Variants in CACNB1 observed in about 807,000 individuals in gnomAD.
CACNB1 encodes the protein calcium voltage-gated channel auxiliary subunit beta 1.
CACNB1 carries 29 observed loss-of-function variants against 71.6 expected under a neutral mutation model. The ratio of observed to expected loss-of-function variants is 0.40; its 90% confidence interval spans 0.30 to 0.55. CACNB1 has a LOEUF of 0.55. CACNB1 is among the 20% of genes least tolerant of loss of function. The probability of loss-of-function intolerance (pLI) is 0.38; values close to 1 mark genes in which losing one functional copy is unlikely to be tolerated. For missense variants in CACNB1, 623 were observed against 801.8 expected, an observed-to-expected ratio of 0.78 and a Z score of 2.69; for synonymous variants, 300 against 319.6, an observed-to-expected ratio of 0.94 and a Z score of 0.65.
chr17:39,193,704 C>T (rs1228236325), intron 2 of CACNB1: 4 of 223,784 alleles, frequency 1.8e-5, no homozygotes, highest in Non-Finnish European at 3.7e-5. Flanking sequence ...GGGTCTGACT[C>T]CCTGGGTTGG....
Position 39,197,561 on chromosome 17 carries a change from C to T in CACNB1, c.-66G>A, listed in dbSNP as rs547961510. On this transcript the variant is annotated 5_prime_UTR_variant, in exon 1 of 14. Transcript: ENST00000394303. ...GGGCTCCCTCAGCGCATGGGAGAGG[C>T]CGTGGGAGCCGAAAGCAGCGCGGCG... 1.1e-4 allele frequency: 131 copies of T among 1,245,464 alleles called. No individual in the cohort carries two copies. Among genetic ancestry groups the T allele is most frequent in the Non-Finnish European group, 1.3e-4 (124 of 919,898 alleles). The allele number at this position is 1,245,464 out of a possible 1,614,324, so 77.2% of individuals were successfully genotyped here.
intron 3 of CACNB1, among the ~76,000 whole-genome samples, chr17:39,187,867 G>T (rs182804430): frequency 5.3e-5 from 8 of 152,046 alleles, no homozygotes; most frequent in Admixed American, 1.3e-4. Context: ...TACAAAATTA[G>T]CCAGGCGTGG....
intron 11 of CACNB1, among the ~76,000 whole-genome samples, chr17:39,182,617 G>A (rs868526388): frequency 6.7e-6 from 1 of 149,508 alleles, no homozygotes; most frequent in African/African-American, 2.5e-5. Context: ...CAGGAGAATC[G>A]CTTGAACCTG....
intron 11 of CACNB1, among the ~76,000 whole-genome samples, chr17:39,182,529 T>C (rs1398184553): frequency 6.6e-6 from 1 of 151,346 alleles, no homozygotes; most frequent in Non-Finnish European, 1.5e-5. Flanking sequence ...TGAAACCCTG[T>C]CTCTACTAAA....
At position 39,183,774 on chromosome 17, in the gene CACNB1, G is replaced by C. The variant is rs1163229888; in HGVS notation, c.989C>G (p.Ala330Gly). 1.9e-6 allele frequency: 3 copies of C among 1,613,876 alleles called. No individual in the cohort carries two copies. The East Asian group carries it at 6.7e-5, about 36-fold the overall frequency. Residue 330 changes from alanine (A) to glycine (G), a missense_variant, in exon 11 of 14, where the codon GCC (alanine) becomes GGC (glycine). Transcript: ENST00000394303. Reference sequence around the variant, plus strand: ...GGCCAGCGAGGTCTTGGACAGCTGGGCTGGGTGATTGATGGTGTCAGCATC... The same window carrying C: ...GGCCAGCGAGGTCTTGGACAGCTGGCCTGGGTGATTGATGGTGTCAGCATC... ...ALDADTINHP[A>G]QLSKTSLAPI...
intron 11 of CACNB1, 65 bp from the exon 12 acceptor site, chr17:39,178,144 A>G: frequency 1.6e-6 from 2 of 1,216,162 alleles, no homozygotes; most frequent in Non-Finnish European, 2.4e-6. Flanking sequence ...CCAGTCAGAG[A>G]GGCGGGTCCT....
chr17:39,192,673 G>A, intron 2 of CACNB1: 1 of 152,632 alleles, frequency 6.6e-6, no homozygotes, highest in Non-Finnish European at 1.5e-5. Context: ...GAGGACTGCA[G>A]GGATGTAGGG....
At chr17:39,183,324 C>A (rs577947609) in intron 11 of CACNB1, among the ~76,000 whole-genome samples, 1 of 138,322 alleles carries the variant, frequency 7.2e-6, no homozygotes, top group African/African-American at 2.6e-5. Flanking sequence ...AGAGCGAGAT[C>A]CTGACTTAAA....
chr17:39,182,368 AT>A (rs1396263103), intron 11 of CACNB1, among the ~76,000 whole-genome samples: 1 of 148,362 alleles, frequency 6.7e-6, no homozygotes, highest in Admixed American at 6.8e-5. Flanking sequence ...AGCCCAGCTC[AT>A]GGGATGATAA....
At chr17:39,182,710 AAT>A (rs2045806772) in intron 11 of CACNB1, among the ~76,000 whole-genome samples, 1 of 133,056 alleles carries the variant, frequency 7.5e-6, no homozygotes, top group Non-Finnish European at 1.6e-5. Flanking sequence ...AAAATAAATA[AAT>A]AAATAAATAA....
intron 3 of CACNB1, among the ~76,000 whole-genome samples, chr17:39,189,327 C>T (rs948802268): frequency 7.9e-5 from 12 of 151,658 alleles, no homozygotes; most frequent in Non-Finnish European, 1.8e-4. Context: ...CGTGCCATTG[C>T]ACTCCAGCTT....
At chr17:39,187,678 G>A in intron 3 of CACNB1, 77 bp from the exon 4 acceptor site, 1 of 1,497,948 alleles carries the variant, frequency 6.7e-7, no homozygotes, top group Non-Finnish European at 9.3e-7. Context: ...GACAGTAGTG[G>A]TGGTTACTTG....
At chr17:39,185,938 A>G (rs374581795) in intron 6 of CACNB1, 3 of 1,609,496 alleles carry the variant, frequency 1.9e-6, no homozygotes, top group Non-Finnish European at 2.5e-6. Flanking sequence ...GCAAGAACAC[A>G]GCGAGAATTA....
At chr17:39,191,187 G>A (rs528812518) in intron 3 of CACNB1, among the ~76,000 whole-genome samples, 3 of 152,236 alleles carry the variant, frequency 2.0e-5, no homozygotes, top group Admixed American at 2.0e-4. Flanking sequence ...CTGGGTGACA[G>A]AGCAAGACTG....
At chr17:39,191,894 G>T in intron 2 of CACNB1, 1 of 402,756 alleles carries the variant, frequency 2.5e-6, no homozygotes, top group East Asian at 6.0e-5. Context: ...CACAAGGCAA[G>T]GGAGGAATGC....
intron 11 of CACNB1, among the ~76,000 whole-genome samples, chr17:39,180,659 CA>C (rs200675636): frequency 3.7e-4 from 50 of 135,124 alleles, no homozygotes; most frequent in Middle Eastern, 3.8e-3. Context: ...CGTCCCCCCT[CA>C]AAAAAAAAAA....
intron 3 of CACNB1, 95 bp downstream of exon 3, chr17:39,191,379 G>C: frequency 7.7e-7 from 1 of 1,295,610 alleles, no homozygotes; most frequent in Non-Finnish European, 1.1e-6. Context: ...GAAGTGGCTG[G>C]GTCAAGACTT....
At position 39,184,802 on chromosome 17, in the gene CACNB1, C is replaced by A; in HGVS notation, c.711G>T (p.Pro237=). The change falls in exon 8 of 14, where the codon CCG becomes CCT. Residue 237 remains proline, a synonymous_variant. Transcript: ENST00000394303. ...PSMRPIILVG[P]SLKGYEVTDM... ...GTCCTACCTCGTAGCCCTTGAGCGA[C>A]GGTCCCACCAGGATGATGGGCCTCA... 6.2e-7 allele frequency: 1 copy of A among 1,611,640 alleles called. No individual in the cohort carries two copies. Among genetic ancestry groups the A allele is most frequent in the Non-Finnish European group, 8.5e-7 (1 of 1,178,006 alleles).
At chr17:39,192,063 C>T (rs952883338) in intron 2 of CACNB1, 2 of 175,614 alleles carry the variant, frequency 1.1e-5, no homozygotes, top group African/African-American at 4.8e-5. Context: ...GCCTGCTCCG[C>T]AGGATGGGGC....
Sources: gnomAD v4.1 joint callset for allele counts (sites outside exome capture counted in the v4.1 genomes callset) on GRCh38, gnomAD v4.1.1 for gene constraint, MANE v1.5 for transcripts, NCBI Gene and HGNC (gene_info 2026-07-23, HGNC 2026-07-21) for gene names.